Variants in ATP6V1H observed in about 807,000 individuals in gnomAD.
ATP6V1H encodes the protein ATPase H+ transporting V1 subunit H, also known as V-type proton ATPase subunit H.
A neutral mutation model predicts 71.7 loss-of-function variants in ATP6V1H; 39 were observed. That is an observed-to-expected ratio of 0.54 (90% CI 0.42 to 0.71). ATP6V1H has a LOEUF of 0.71. ATP6V1H is among the 30% of genes least tolerant of loss of function. The probability of loss-of-function intolerance (pLI) is 0.00; values close to 1 mark genes in which losing one functional copy is unlikely to be tolerated. For missense variants in ATP6V1H, 509 were observed against 594.9 expected, an observed-to-expected ratio of 0.86 and a Z score of 1.50; for synonymous variants, 192 against 199.3, an observed-to-expected ratio of 0.96 and a Z score of 0.31.
intron 7 of ATP6V1H, among the ~76,000 whole-genome samples, chr8:53,805,877 A>T (rs1229951394): frequency 2.0e-5 from 3 of 152,212 alleles, no homozygotes; most frequent in Non-Finnish European, 4.4e-5. Context: ...GAGAGCTCAG[A>T]CACATAAGAA....
intron 11 of ATP6V1H, among the ~76,000 whole-genome samples, chr8:53,764,727 C>T (rs990349523): frequency 9.2e-5 from 14 of 152,164 alleles, no homozygotes; most frequent in African/African-American, 4.8e-5. Flanking sequence ...ACAGCAAAGT[C>T]GCAGGATACA....
chr8:53,739,473 CTTA>C (rs1202865548), intron 13 of ATP6V1H: 26 of 152,236 alleles, frequency 1.7e-4, no homozygotes, highest in African/African-American at 4.6e-4. Flanking sequence ...ACTCTTATAA[CTTA>C]TTATGCTGCT....
chr8:53,810,376 T>G (rs964624433), intron 7 of ATP6V1H, among the ~76,000 whole-genome samples: 20 of 152,080 alleles, frequency 1.3e-4, no homozygotes, highest in African/African-American at 4.8e-4. Context: ...GAAAGGAACT[T>G]GGGGAGCCAT....
intron 8 of ATP6V1H, among the ~76,000 whole-genome samples, chr8:53,800,855 A>G (rs1809888838): frequency 6.6e-6 from 1 of 152,192 alleles, no homozygotes; most frequent in African/African-American, 2.4e-5. Context: ...CTAAAAATAT[A>G]TTTTTAAAGG....
chr8:53,737,844 T>C (rs1425238731), intron 13 of ATP6V1H, among the ~76,000 whole-genome samples: 1 of 152,220 alleles, frequency 6.6e-6, no homozygotes, highest in Non-Finnish European at 1.5e-5. Flanking sequence ...AAAGGTACCT[T>C]TCTTAAGACA....
intron 9 of ATP6V1H, among the ~76,000 whole-genome samples, chr8:53,773,991 A>AT (rs1439451604): frequency 6.6e-6 from 1 of 152,172 alleles, no homozygotes; most frequent in Non-Finnish European, 1.5e-5. Flanking sequence ...AAGATAAAAG[A>AT]TTTTTTTAAC....
At chr8:53,783,711 G>A (rs1231317098) in intron 9 of ATP6V1H, among the ~76,000 whole-genome samples, 6 of 152,074 alleles carry the variant, frequency 3.9e-5, no homozygotes, top group Admixed American at 3.3e-4. Flanking sequence ...ACACTGCTTT[G>A]AATGTGTCCC....
chr8:53,744,732 A>G (rs2130191730), intron 12 of ATP6V1H, among the ~76,000 whole-genome samples: 1 of 152,344 alleles, frequency 6.6e-6, no homozygotes. Flanking sequence ...CTGAGGGGAA[A>G]AAAAAGAACA....
At chr8:53,824,284 T>C (rs1365275615) in intron 4 of ATP6V1H, among the ~76,000 whole-genome samples, 2 of 152,134 alleles carry the variant, frequency 1.3e-5, no homozygotes, top group Non-Finnish European at 2.9e-5. Flanking sequence ...ACAAGGGAAT[T>C]TTACCAAAAC....
chr8:53,764,669 A>C, intron 11 of ATP6V1H, among the ~76,000 whole-genome samples: 1 of 152,232 alleles, frequency 6.6e-6, no homozygotes, highest in East Asian at 1.9e-4. Flanking sequence ...TCATATTGGA[A>C]GTATCATTAA....
intron 12 of ATP6V1H, among the ~76,000 whole-genome samples, chr8:53,746,470 G>A (rs1299580271): frequency 6.6e-6 from 1 of 151,974 alleles, no homozygotes; most frequent in Non-Finnish European, 1.5e-5. Flanking sequence ...TCACCATGTT[G>A]GCCAGGCTGG....
chr8:53,812,166 T>C (rs760733005), intron 6 of ATP6V1H, among the ~76,000 whole-genome samples: 9 of 152,034 alleles, frequency 5.9e-5, no homozygotes, highest in African/African-American at 9.7e-5. Flanking sequence ...AGAGGGACAG[T>C]GCAATGAGAG....
chr8:53,773,264 T>C (rs1448448334), intron 9 of ATP6V1H, among the ~76,000 whole-genome samples: 3 of 152,216 alleles, frequency 2.0e-5, no homozygotes, highest in Admixed American at 2.0e-4. Flanking sequence ...GAATAGATAA[T>C]GAATAGAGTA....
At position 53,841,937 on chromosome 8, in the gene ATP6V1H, A is replaced by T. The variant is rs371011910; in HGVS notation, c.-35-212T>A. ...TTTAGGCTTTTGCTTTTCTAGAAAA[A>T]TTTTTTTCATTATTGGCACTAACAC... On this transcript the variant is annotated intron_variant, in intron 1 of 13. Coordinates refer to ENST00000359530, the MANE Select transcript of ATP6V1H (RefSeq NM_015941.4). Among the ~76,000 whole-genome samples the T allele has an allele frequency of 1.8e-3, 277 of 152,154 alleles. 2 individuals carry two copies. Among genetic ancestry groups the T allele is most frequent in the African/African-American group, 5.6e-3 (232 of 41,490 alleles).
chr8:53,783,422 T>C (rs1809243637), intron 9 of ATP6V1H, among the ~76,000 whole-genome samples: 1 of 152,206 alleles, frequency 6.6e-6, no homozygotes, highest in Admixed American at 6.5e-5. Context: ...GTCTATTTGA[T>C]TCTTCTCTCT....
At chr8:53,717,921 C>A (rs1401882051) in intron 13 of ATP6V1H, among the ~76,000 whole-genome samples, 2 of 152,132 alleles carry the variant, frequency 1.3e-5, no homozygotes, top group Non-Finnish European at 2.9e-5. Context: ...AGACACTGTG[C>A]CACTCTCCAA....
At chr8:53,761,906 G>A (rs936184920) in intron 11 of ATP6V1H, among the ~76,000 whole-genome samples, 1 of 152,148 alleles carries the variant, frequency 6.6e-6, no homozygotes, top group Non-Finnish European at 1.5e-5. Flanking sequence ...ATAAAATATT[G>A]AAGCGGAAAG....
chr8:53,762,745 TA>T (rs1808316046), intron 11 of ATP6V1H, among the ~76,000 whole-genome samples: 1 of 152,008 alleles, frequency 6.6e-6, no homozygotes, highest in African/African-American at 2.4e-5. Context: ...AAGTGAGAAG[TA>T]AAACTCTCTA....
intron 9 of ATP6V1H, among the ~76,000 whole-genome samples, chr8:53,780,972 G>T (rs1448649603): frequency 6.6e-6 from 1 of 152,130 alleles, no homozygotes; most frequent in Non-Finnish European, 1.5e-5. Flanking sequence ...CCAAGTCTTT[G>T]CTATTGTGAA....
Sources: gnomAD v4.1 joint callset for allele counts (sites outside exome capture counted in the v4.1 genomes callset) on GRCh38, gnomAD v4.1.1 for gene constraint, MANE v1.5 for transcripts, NCBI Gene and HGNC (gene_info 2026-07-23, HGNC 2026-07-21) for gene names.